The following IL1RAPL1 variants were observed in gnomAD, a reference collection of about 807,000 sequenced individuals.
The protein encoded by IL1RAPL1 is interleukin 1 receptor accessory protein like 1.
IL1RAPL1 carries 3 observed loss-of-function variants against 48.4 expected under a neutral mutation model. That is an observed-to-expected ratio of 0.06 (90% CI 0.03 to 0.16). The LOEUF (loss-of-function observed/expected upper bound fraction) is 0.16. IL1RAPL1 is among the 10% of genes least tolerant of loss of function. The pLI is 1.00. For synonymous variants in IL1RAPL1, 185 were observed against 187.7 expected, an observed-to-expected ratio of 0.99 and a Z score of 0.12; for missense variants, 349 against 530.6, an observed-to-expected ratio of 0.66 and a Z score of 3.36.
At chrX:28,891,241 T>C (rs1250950966) in intron 2 of IL1RAPL1, among the ~76,000 whole-genome samples, 1 of 111,854 alleles carries the variant, frequency 8.9e-6, no homozygotes, top group Non-Finnish European at 1.9e-5. Context: ...GTCTATTTAC[T>C]CAACAGGTGT....
At chrX:29,350,394 G>A (rs1469313441) in intron 3 of IL1RAPL1, among the ~76,000 whole-genome samples, 2 of 102,565 alleles carry the variant, frequency 1.9e-5, no homozygotes, top group African/African-American at 3.7e-5. Flanking sequence ...AGATAACATC[G>A]TTTTGTTCAA....
intron 2 of IL1RAPL1, among the ~76,000 whole-genome samples, chrX:28,928,564 A>G (rs1923807168): frequency 8.9e-6 from 1 of 111,794 alleles, no homozygotes; most frequent in African/African-American, 3.2e-5. Flanking sequence ...CTACATTAGC[A>G]TCTTTATGTA....
At chrX:29,768,717 G>A (rs1033168005) in intron 6 of IL1RAPL1, among the ~76,000 whole-genome samples, 1 of 111,537 alleles carries the variant, frequency 9.0e-6, no homozygotes, top group Admixed American at 9.6e-5. Context: ...GCTGTTTTAA[G>A]CTTTCTCTTA....
chrX:29,372,260 TTTAA>T (rs766574927), intron 3 of IL1RAPL1, among the ~76,000 whole-genome samples: 41 of 112,283 alleles, frequency 3.7e-4, no homozygotes, highest in African/African-American at 1.3e-3. Context: ...TTTGCCCATG[TTTAA>T]TTGAGTTATT....
chrX:28,892,291 GGTT>G (rs1350912459), intron 2 of IL1RAPL1, among the ~76,000 whole-genome samples: 3 of 107,106 alleles, frequency 2.8e-5, no homozygotes, highest in Non-Finnish European at 5.8e-5. Flanking sequence ...GTCAAAGGGG[GGTT>G]GTTCTCTGGC....
chrX:29,232,759 G>A (rs1211110276), intron 2 of IL1RAPL1, among the ~76,000 whole-genome samples: 2 of 111,658 alleles, frequency 1.8e-5, no homozygotes, highest in African/African-American at 6.5e-5. Flanking sequence ...CACATTTTAA[G>A]TGTATTGTCA....
rs780637868 is a variant in IL1RAPL1, at chrX:29,538,936, A to C, written c.704-129494A>C. Among the ~76,000 whole-genome samples the C allele has an allele frequency of 2.7e-5, 3 of 111,524 alleles. No individual in the cohort carries two copies. In the South Asian group the frequency reaches 1.1e-3, roughly 42 times the overall value. ...TGTAAACTCCTTTTGCTCTTAAAAG[A>C]ATATCTGGTGGATTCATAGCCAAAA... On this transcript the variant is annotated intron_variant, in intron 5 of 10. Coordinates refer to ENST00000378993, the MANE Select transcript of IL1RAPL1 (RefSeq NM_014271.4).
intron 2 of IL1RAPL1, among the ~76,000 whole-genome samples, chrX:29,075,539 A>G (rs1328859155): frequency 5.4e-5 from 6 of 112,082 alleles, no homozygotes; most frequent in African/African-American, 1.9e-4. Flanking sequence ...GAAGATTTTG[A>G]AAATGATAGA....
At chrX:29,324,100 A>C (rs1450649876) in intron 3 of IL1RAPL1, among the ~76,000 whole-genome samples, 1 of 109,686 alleles carries the variant, frequency 9.1e-6, no homozygotes, top group Non-Finnish European at 1.9e-5. Context: ...CATACCTTTT[A>C]ACGTGTGTAT....
intron 5 of IL1RAPL1, among the ~76,000 whole-genome samples, chrX:29,500,313 A>T (rs1221751423): frequency 8.9e-6 from 1 of 112,218 alleles, no homozygotes; most frequent in African/African-American, 3.2e-5. Context: ...TTTGAAATAT[A>T]CAATAGATTA....
chrX:29,257,295 A>C (rs1302621093), intron 2 of IL1RAPL1, among the ~76,000 whole-genome samples: 1 of 111,447 alleles, frequency 9.0e-6, no homozygotes, highest in East Asian at 2.8e-4. Context: ...CTAATGCATT[A>C]TATCATTTGA....
At chrX:29,730,196 G>A (rs184064004) in intron 6 of IL1RAPL1, among the ~76,000 whole-genome samples, 3 of 111,761 alleles carry the variant, frequency 2.7e-5, no homozygotes, top group Non-Finnish European at 5.6e-5. Context: ...TTCTTTCAGG[G>A]GACTTTTGGG....
chrX:28,885,932 A>G (rs1922616252), intron 2 of IL1RAPL1, among the ~76,000 whole-genome samples: 1 of 111,511 alleles, frequency 9.0e-6, no homozygotes, highest in South Asian at 3.7e-4. Context: ...CTTTTAAAAA[A>G]TTGCTATTGA....
intron 3 of IL1RAPL1, among the ~76,000 whole-genome samples, chrX:29,348,538 A>G (rs927307466): frequency 3.6e-5 from 4 of 111,910 alleles, no homozygotes; most frequent in African/African-American, 9.7e-5. Context: ...GGGGCTGGGT[A>G]TGAGAGACAT....
intron 2 of IL1RAPL1, among the ~76,000 whole-genome samples, chrX:29,032,820 G>A (rs887653836): frequency 6.2e-5 from 7 of 112,285 alleles, no homozygotes; most frequent in Non-Finnish European, 1.1e-4. Flanking sequence ...TTTGAATTGC[G>A]GGTCTGCCAC....
chrX:29,097,109 A>G (rs993539654), intron 2 of IL1RAPL1, among the ~76,000 whole-genome samples: 1 of 111,547 alleles, frequency 9.0e-6, no homozygotes, highest in South Asian at 3.7e-4. Flanking sequence ...ATGTTAATTT[A>G]TGAAATCAAA....
chrX:28,907,917 T>C (rs996756061), intron 2 of IL1RAPL1, among the ~76,000 whole-genome samples: 15 of 112,184 alleles, frequency 1.3e-4, no homozygotes, highest in Non-Finnish European at 2.3e-4. Flanking sequence ...TTGTATTTAA[T>C]AGACATAGAC....
At chrX:29,905,055 A>G (rs756097503) in intron 6 of IL1RAPL1, among the ~76,000 whole-genome samples, 6 of 111,914 alleles carry the variant, frequency 5.4e-5, no homozygotes, top group Admixed American at 9.5e-5. Context: ...ACTACTTAAT[A>G]ATCGCCATTC....
intron 2 of IL1RAPL1, among the ~76,000 whole-genome samples, chrX:29,114,451 C>T (rs1235427740): frequency 8.9e-6 from 1 of 111,875 alleles, no homozygotes; most frequent in African/African-American, 3.2e-5. Flanking sequence ...CACACCTCTT[C>T]CCTTTATTGA....
Sources: gnomAD v4.1 joint callset for allele counts (sites outside exome capture counted in the v4.1 genomes callset) on GRCh38, gnomAD v4.1.1 for gene constraint, MANE v1.5 for transcripts, NCBI Gene and HGNC (gene_info 2026-07-23, HGNC 2026-07-21) for gene names.